PREX1: variants seen among roughly 807,000 people sequenced by gnomAD.
PREX1 encodes phosphatidylinositol-3,4,5-trisphosphate dependent Rac exchange factor 1, also known as phosphatidylinositol 3,4,5-trisphosphate-dependent Rac exchanger 1 protein.
Under a neutral mutation model 198.3 loss-of-function variants are expected in PREX1, and 41 were observed. That is an observed-to-expected ratio of 0.21 (90% CI 0.16 to 0.27). PREX1 has a LOEUF of 0.27. Among genes scored for constraint, PREX1 ranks in the 10% least tolerant of loss-of-function variants. The pLI, the probability that PREX1 is intolerant of heterozygous loss-of-function variation, is 1.00. For synonymous variants in PREX1, 843 were observed against 887.2 expected, an observed-to-expected ratio of 0.95 and a Z score of 0.89; for missense variants, 1,620 against 2,200.7, an observed-to-expected ratio of 0.74 and a Z score of 5.28.
At position 48,687,879 on chromosome 20, in the gene PREX1, C is replaced by G. The variant is rs2089794567; in HGVS notation, c.1334+778G>C. Among the ~76,000 whole-genome samples the G allele has an allele frequency of 2.6e-5, 4 of 152,280 alleles. No individual in the cohort carries two copies. The South Asian group carries it at 8.3e-4, about 32-fold the overall frequency. Reference sequence around the variant, plus strand: ...CCAGTTATAAAATGGGGCTGTATTTCCCAAACAGAGAAAGTGGAGGCTCTG... The same window carrying G: ...CCAGTTATAAAATGGGGCTGTATTTGCCAAACAGAGAAAGTGGAGGCTCTG... On this transcript the variant is annotated intron_variant, in intron 10 of 39. Transcript: ENST00000371941.
At chr20:48,672,177 G>T (rs747169812) in intron 14 of PREX1, among the ~76,000 whole-genome samples, 53 of 152,246 alleles carry the variant, frequency 3.5e-4, no homozygotes, top group Non-Finnish European at 5.3e-4. Context: ...CAGGGTGAAG[G>T]CCTGAGCCTC....
intron 1 of PREX1, among the ~76,000 whole-genome samples, chr20:48,798,398 C>A (rs2090372165): frequency 6.6e-6 from 1 of 152,188 alleles, no homozygotes; most frequent in African/African-American, 2.4e-5. Context: ...CTTTTTAAAT[C>A]ATCCATCAGA....
intron 4 of PREX1, among the ~76,000 whole-genome samples, chr20:48,730,730 C>T (rs1320817856): frequency 1.3e-5 from 2 of 152,042 alleles, no homozygotes. Flanking sequence ...CAGAGTGACT[C>T]ACACCTGTAC....
At chr20:48,664,790 G>A (rs1454135446) in intron 15 of PREX1, among the ~76,000 whole-genome samples, 93 of 126,722 alleles carry the variant, frequency 7.3e-4, no homozygotes, top group African/African-American at 9.0e-4. Context: ...TCTAATCCCG[G>A]CTCCAGACGG....
chr20:48,664,249 C>A (rs903900287), intron 15 of PREX1, among the ~76,000 whole-genome samples: 2 of 152,026 alleles, frequency 1.3e-5, no homozygotes, highest in Admixed American at 1.3e-4. Context: ...GTGGCGGGTG[C>A]CTGCGGTCCC....
At position 48,780,102 on chromosome 20, in the gene PREX1, C is replaced by T. The variant is rs138111886; in HGVS notation, c.220-32222G>A. Among the ~76,000 whole-genome samples the T allele has an allele frequency of 6.5e-3, 985 of 152,222 alleles. 12 individuals carry two copies. The highest frequency in any genetic ancestry group is 5.6e-3 in the Non-Finnish European group (382 of 68,026). ...AAATATATGTGCAGATAGAAAGATACAGAAGTAAATATAGATTGTGTAAGT... is the reference window on the plus strand; with the variant it reads ...AAATATATGTGCAGATAGAAAGATATAGAAGTAAATATAGATTGTGTAAGT... On this transcript the variant is annotated intron_variant, in intron 1 of 39. Transcript: ENST00000371941.
chr20:48,652,577 G>A lies in PREX1; in HGVS notation c.2467+9C>T, dbSNP rs753783037. On this transcript the variant is annotated intron_variant, in intron 21 of 39. Coordinates refer to ENST00000371941, the MANE Select transcript of PREX1 (RefSeq NM_020820.4). ...GGAAGCTCCTGTCATGCCATGCCCC[G>A]TCTATTACCTGAATCAGCCTGGTCT... 36 of 1,605,436 alleles carry A rather than the reference G, an allele frequency of 2.2e-5. No individual in the cohort carries two copies. The highest frequency in any genetic ancestry group is 4.0e-5 in the African/African-American group (3 of 74,684).
chr20:48,708,207 T>G (rs1332946315), intron 6 of PREX1, 53 bp downstream of exon 6: 3 of 1,588,788 alleles, frequency 1.9e-6, no homozygotes, highest in Middle Eastern at 1.7e-4. Flanking sequence ...ACTGCACCTG[T>G]GCACCTCCTG....
At chr20:48,784,208 G>T (rs972210600) in intron 1 of PREX1, among the ~76,000 whole-genome samples, 1 of 152,150 alleles carries the variant, frequency 6.6e-6, no homozygotes, top group African/African-American at 2.4e-5. Flanking sequence ...ACGGGCTCCA[G>T]GGGTTTTGCA....
At chr20:48,864,747 G>C in the PREX1 span, among the ~76,000 whole-genome samples, 26 of 152,292 alleles carry the variant, frequency 1.7e-4, no homozygotes, top group African/African-American at 6.0e-4. Flanking sequence ...TTTGTGTCGG[G>C]CACTTTGTTT....
At chr20:48,811,871 T>A (rs903793599) in intron 1 of PREX1, among the ~76,000 whole-genome samples, 3 of 152,152 alleles carry the variant, frequency 2.0e-5, no homozygotes, top group Admixed American at 2.0e-4. Flanking sequence ...CTCCAAGGAG[T>A]CTTAGCTGTT....
chr20:48,785,924 C>G (rs1481126028), intron 1 of PREX1, among the ~76,000 whole-genome samples: 1 of 152,218 alleles, frequency 6.6e-6, no homozygotes, highest in African/African-American at 2.4e-5. Flanking sequence ...AACACAGCAG[C>G]AGGCAAAGCC....
chr20:48,849,818 G>T, the PREX1 span, among the ~76,000 whole-genome samples: 15 of 152,134 alleles, frequency 9.9e-5, no homozygotes, highest in South Asian at 1.2e-3. Flanking sequence ...GGTGGGGAGT[G>T]GGGGGGAATA....
chr20:48,704,167 T>C (rs1018764437), intron 6 of PREX1, among the ~76,000 whole-genome samples: 3 of 152,254 alleles, frequency 2.0e-5, no homozygotes, highest in African/African-American at 7.2e-5. Context: ...GACTTGTTCA[T>C]GGTCACATAG....
At chr20:48,637,196 G>A (rs1405472457) in intron 31 of PREX1, among the ~76,000 whole-genome samples, 2 of 152,238 alleles carry the variant, frequency 1.3e-5, no homozygotes, top group Non-Finnish European at 2.9e-5. Context: ...CCAGTTTCAA[G>A]CAATTGGTCT....
At chr20:48,849,732 GGTTTTAGTAAAATCA>G in the PREX1 span, among the ~76,000 whole-genome samples, 1 of 152,192 alleles carries the variant, frequency 6.6e-6, no homozygotes, top group South Asian at 2.1e-4. Context: ...TCTGTTTGTA[GGTTTTAGTAAAATCA>G]GCCAAAGGGT....
chr20:48,872,856 T>A, the PREX1 span, among the ~76,000 whole-genome samples: 2 of 152,176 alleles, frequency 1.3e-5, no homozygotes, highest in African/African-American at 2.4e-5. Flanking sequence ...CGGAGGCTCC[T>A]GAGTCAGCCC....
Position 48,735,328 on chromosome 20 carries a change from G to C in PREX1, c.415-678C>G, listed in dbSNP as rs542030460. ...CTGAGCTAGGGATGGGGGTGTGCAA[G>C]AGACCCGAACAAGCTAAGGAAGGAA... On this transcript the variant is annotated intron_variant, in intron 3 of 39. Coordinates refer to ENST00000371941, the MANE Select transcript of PREX1 (RefSeq NM_020820.4). Among the ~76,000 whole-genome samples the C allele has an allele frequency of 2.6e-5, 4 of 152,276 alleles. 1 individual carries two copies. The highest frequency in any genetic ancestry group is 9.6e-5 in the African/African-American group (4 of 41,556).
chr20:48,666,319 C>T lies in PREX1; in HGVS notation c.1702G>A (p.Gly568Ser). 1.3e-6 allele frequency: 2 copies of T among 1,570,598 alleles called. No individual in the cohort carries two copies. Among genetic ancestry groups the T allele is most frequent in the South Asian group, 1.2e-5 (1 of 85,458 alleles). ...CQTREEAVAL[G>S]VGLCNNGFMH... Reference sequence around the variant, plus strand: ...AAGCCATTGTTGCACAGACCCACGCCGAGCGCCACTGCCTCCTCCCGAGTC... The same window carrying T: ...AAGCCATTGTTGCACAGACCCACGCTGAGCGCCACTGCCTCCTCCCGAGTC... The change falls in exon 15 of 40, where the codon GGC becomes AGC. Residue 568 changes from glycine (G) to serine (S), a missense_variant. Gly to Ser is a moderately conservative substitution (Grantham distance 56). Coordinates refer to ENST00000371941, the MANE Select transcript of PREX1 (RefSeq NM_020820.4). This position sits in a 1 kb window ranked among gnomAD's most constrained non-coding sequence, Gnocchi z 4.3.
Sources: allele counts gnomAD v4.1 joint callset (sites outside exome capture counted in the v4.1 genomes callset), GRCh38; gene constraint gnomAD v4.1.1; non-coding constraint Gnocchi (gnomAD v3.1); transcripts MANE v1.5; gene names NCBI Gene and HGNC (gene_info 2026-07-23, HGNC 2026-07-21).